Variants in ERC2 observed in about 807,000 individuals in gnomAD.
ERC2 encodes the protein ERC protein 2.
ERC2 carries 42 observed loss-of-function variants against 114.8 expected under a neutral mutation model. That is an observed-to-expected ratio of 0.37 (90% confidence interval 0.29 to 0.47). ERC2 has a LOEUF of 0.47. ERC2 is among the 20% of genes least tolerant of loss of function. ERC2 has a pLI of 0.99. For synonymous variants in ERC2, 454 were observed against 425.5 expected (o/e 1.07, Z -0.82); for missense variants, 939 against 1,150.7 (o/e 0.82, Z 2.66).
chr3:55,534,298 A>G (rs1330206004), intron 17 of ERC2, among the ~76,000 whole-genome samples: 2 of 151,462 alleles, frequency 1.3e-5, no homozygotes, highest in African/African-American at 2.4e-5. Flanking sequence ...GCGTGGTGGC[A>G]TATGGCTGTG....
intron 15 of ERC2, among the ~76,000 whole-genome samples, chr3:55,712,429 T>C (rs815403): frequency 1 from 152,079 of 152,334 alleles, 75,912 homozygotes; most frequent in Middle Eastern, 1. Flanking sequence ...TGAACAGAGT[T>C]GGCCTCTGTT....
chr3:56,307,994 C>A (rs1183259964), intron 2 of ERC2, among the ~76,000 whole-genome samples: 1 of 152,148 alleles, frequency 6.6e-6, no homozygotes, highest in Non-Finnish European at 1.5e-5. Flanking sequence ...GGTTTCCATT[C>A]CTCTTTGCTT....
intron 6 of ERC2, among the ~76,000 whole-genome samples, chr3:56,133,447 T>A (rs2080323110): frequency 6.6e-6 from 1 of 151,886 alleles, no homozygotes; most frequent in African/African-American, 2.4e-5. Context: ...AAAAAAATAA[T>A]AAAATAAAAT....
chr3:56,264,784 C>G lies in ERC2; in HGVS notation c.1074+31235G>C, dbSNP rs566455335. 1.7e-4 allele frequency among the ~76,000 whole-genome samples: 22 copies of G among 132,930 alleles called. No individual in the cohort carries two copies. The South Asian group carries it at 4.8e-3, about 29-fold the overall frequency. The allele number at this position is 132,930 out of a possible 152,430, so 87.2% of individuals were successfully genotyped here. On this transcript the variant is annotated intron_variant, in intron 3 of 17. Transcript: ENST00000288221. ...TTGCAAGATAAAAAAAATCAACATA[C>G]AAAAACCAGTTGCATTTGTCTACAG...
chr3:56,174,964 G>A (rs571389082), intron 3 of ERC2, among the ~76,000 whole-genome samples: 50 of 108,894 alleles, frequency 4.6e-4, no homozygotes, highest in African/African-American at 1.3e-3. Context: ...GTGATGGAAC[G>A]AGACTCTGTC....
At chr3:55,704,336 A>T (rs148241545) in intron 15 of ERC2, among the ~76,000 whole-genome samples, 1 of 152,234 alleles carries the variant, frequency 6.6e-6, no homozygotes, top group Non-Finnish European at 1.5e-5. Flanking sequence ...TTGATCAGTC[A>T]TCTGGATCAA....
At chr3:56,014,329 T>G (rs1254807753) in intron 8 of ERC2, among the ~76,000 whole-genome samples, 1 of 152,172 alleles carries the variant, frequency 6.6e-6, no homozygotes, top group Non-Finnish European at 1.5e-5. Flanking sequence ...CTTCTAGTCG[T>G]CTAAGTTCTC....
chr3:56,206,623 T>C (rs1444454698), intron 3 of ERC2, among the ~76,000 whole-genome samples: 7 of 152,204 alleles, frequency 4.6e-5, no homozygotes, highest in Non-Finnish European at 1.0e-4. Flanking sequence ...GAGGGTACTA[T>C]ATGTGATTTG....
intron 1 of ERC2, among the ~76,000 whole-genome samples, chr3:56,442,391 T>C (rs550283146): frequency 6.6e-6 from 1 of 152,212 alleles, no homozygotes; most frequent in South Asian, 2.1e-4. Flanking sequence ...GGCAAATTTT[T>C]GTAATTTTTG....
At chr3:56,011,124 G>A (rs912475771) in intron 8 of ERC2, among the ~76,000 whole-genome samples, 3 of 152,232 alleles carry the variant, frequency 2.0e-5, no homozygotes, top group Non-Finnish European at 4.4e-5. Flanking sequence ...GAGAACTTGA[G>A]ACAAAGAATC....
In ERC2 at chr3:55,670,851, G is replaced by A. The variant is rs560818442; in HGVS notation, c.*39+12943C>T. ...AGTTGGGGGGGAATTTTTTTAAAAC[G>A]AATATTTTGTGACACATGGAAATGA... On this transcript the variant is annotated intron_variant, in intron 17 of 17. Transcript: ENST00000288221. 9.2e-5 allele frequency among the ~76,000 whole-genome samples: 14 copies of A among 152,192 alleles called. No homozygotes were observed. In the East Asian group the frequency reaches 2.1e-3, roughly 23 times the overall value.
intron 3 of ERC2, among the ~76,000 whole-genome samples, chr3:56,255,989 T>G (rs1003118274): frequency 2.6e-5 from 4 of 152,190 alleles, no homozygotes; most frequent in Non-Finnish European, 5.9e-5. Context: ...CACAGCAGGT[T>G]AAAGATAAAC....
chr3:56,350,986 T>C (rs1006370032), intron 2 of ERC2, among the ~76,000 whole-genome samples: 12 of 152,200 alleles, frequency 7.9e-5, no homozygotes, highest in Non-Finnish European at 7.4e-5. Context: ...AAGGTCACCT[T>C]GCTAGGAAGA....
chr3:56,417,301 A>AG (rs1267311505), intron 2 of ERC2, among the ~76,000 whole-genome samples: 1 of 152,184 alleles, frequency 6.6e-6, no homozygotes, highest in East Asian at 1.9e-4. Context: ...AATGATAGTG[A>AG]ATTTATCGTT....
chr3:55,540,133 CT>C, intron 17 of ERC2, among the ~76,000 whole-genome samples: 1 of 152,110 alleles, frequency 6.6e-6, no homozygotes. Flanking sequence ...AGGCTAATGC[CT>C]GTGGATTAAA....
intron 14 of ERC2, among the ~76,000 whole-genome samples, chr3:55,785,143 G>C (rs2069384831): frequency 6.6e-6 from 1 of 152,172 alleles, no homozygotes; most frequent in African/African-American, 2.4e-5. Context: ...TTGACCCAAA[G>C]GGAATGACTG....
At chr3:55,835,020 G>C (rs1178750438) in intron 14 of ERC2, among the ~76,000 whole-genome samples, 1 of 151,298 alleles carries the variant, frequency 6.6e-6, no homozygotes, top group South Asian at 2.1e-4. Flanking sequence ...TAAATTCCTC[G>C]ACACATACAC....
At chr3:55,758,144 A>C (rs891400802) in intron 14 of ERC2, among the ~76,000 whole-genome samples, 5 of 152,204 alleles carry the variant, frequency 3.3e-5, no homozygotes, top group South Asian at 2.1e-4. Flanking sequence ...TATTCTCCCC[A>C]AAAATAACAT....
intron 2 of ERC2, among the ~76,000 whole-genome samples, chr3:56,354,019 G>A (rs1560653906): frequency 6.6e-6 from 1 of 152,092 alleles, no homozygotes; most frequent in Non-Finnish European, 1.5e-5. Flanking sequence ...TAGCTAATAA[G>A]TGGCAGGAAT....
Sources: gnomAD v4.1 joint callset for allele counts (sites outside exome capture counted in the v4.1 genomes callset) on GRCh38, gnomAD v4.1.1 for gene constraint, MANE v1.5 for transcripts, NCBI Gene and HGNC (gene_info 2026-07-23, HGNC 2026-07-21) for gene names.